The following ATP8A1 variants were observed in gnomAD, a reference collection of about 807,000 sequenced individuals.
ATP8A1 encodes the protein phospholipid-transporting ATPase IA.
A neutral mutation model predicts 177.7 loss-of-function variants in ATP8A1; 90 were observed. That is an observed-to-expected ratio of 0.51 (90% CI 0.43 to 0.60). The LOEUF (loss-of-function observed/expected upper bound fraction) is 0.60, where lower values mean the gene tolerates loss of function less well. Among genes scored for constraint, ATP8A1 ranks in the 20% least tolerant of loss-of-function variants. The probability of loss-of-function intolerance (pLI) is 0.00; values close to 1 mark genes in which losing one functional copy is unlikely to be tolerated. For missense variants in ATP8A1, 1,072 were observed against 1,392.8 expected (o/e 0.77, Z 3.67); for synonymous variants, 493 against 485.9 (o/e 1.01, Z -0.19).
At chr4:42,499,915 C>T (rs1051235215) in intron 24 of ATP8A1, among the ~76,000 whole-genome samples, 4 of 152,076 alleles carry the variant, frequency 2.6e-5, no homozygotes, top group Non-Finnish European at 4.4e-5. Context: ...ACAAACTAAA[C>T]GATATAAAAG....
intron 1 of ATP8A1, among the ~76,000 whole-genome samples, chr4:42,643,711 A>T (rs1282187090): frequency 2.6e-5 from 4 of 152,204 alleles, no homozygotes; most frequent in Non-Finnish European, 5.9e-5. Flanking sequence ...GGGAGATTCC[A>T]GTGTGTAGCC....
intron 20 of ATP8A1, among the ~76,000 whole-genome samples, chr4:42,542,806 T>G (rs1728545806): frequency 6.6e-6 from 1 of 152,200 alleles, no homozygotes; most frequent in African/African-American, 2.4e-5. Context: ...ATGGTGTATA[T>G]GTGTTAAAGT....
At chr4:42,478,129 T>C (rs975435754) in intron 25 of ATP8A1, among the ~76,000 whole-genome samples, 7 of 150,672 alleles carry the variant, frequency 4.6e-5, no homozygotes, top group Admixed American at 4.6e-4. Flanking sequence ...CTGAGGCAGG[T>C]GGATCCCTTG....
intron 20 of ATP8A1, among the ~76,000 whole-genome samples, chr4:42,535,709 T>C (rs1056901474): frequency 6.6e-6 from 1 of 152,200 alleles, no homozygotes; most frequent in Non-Finnish European, 1.5e-5. Flanking sequence ...GACCACATGA[T>C]AGACCACAAA....
chr4:42,424,932 C>T (rs1013876917), intron 33 of ATP8A1, among the ~76,000 whole-genome samples: 1 of 152,062 alleles, frequency 6.6e-6, no homozygotes, highest in Non-Finnish European at 1.5e-5. Context: ...ATTCGAGACA[C>T]CAACAAGATG....
chr4:42,607,209 C>A (rs1221768464), intron 5 of ATP8A1, among the ~76,000 whole-genome samples: 1 of 152,092 alleles, frequency 6.6e-6, no homozygotes, highest in Non-Finnish European at 1.5e-5. Context: ...TTACTGTGTT[C>A]TTGAAATACA....
intron 1 of ATP8A1, among the ~76,000 whole-genome samples, chr4:42,628,809 TAG>T (rs917909332): frequency 1.3e-5 from 2 of 152,158 alleles, no homozygotes; most frequent in African/African-American, 4.8e-5. Context: ...GCCTCTGGAT[TAG>T]AGAGAGAGCC....
At chr4:42,654,537 T>C (rs1741434429) in intron 1 of ATP8A1, among the ~76,000 whole-genome samples, 1 of 152,172 alleles carries the variant, frequency 6.6e-6, no homozygotes, top group African/African-American at 2.4e-5. Flanking sequence ...TCCATTTTCT[T>C]TGCTATCTCT....
intron 16 of ATP8A1, among the ~76,000 whole-genome samples, chr4:42,554,992 G>C (rs771683003): frequency 2.0e-5 from 3 of 152,122 alleles, no homozygotes; most frequent in African/African-American, 4.8e-5. Flanking sequence ...TCAGCTTTGG[G>C]ACTTGGACTG....
intron 4 of ATP8A1, among the ~76,000 whole-genome samples, chr4:42,622,368 T>G (rs1377651783): frequency 6.6e-6 from 1 of 150,900 alleles, no homozygotes. Flanking sequence ...GGCAACAGAG[T>G]GATAATCCAT....
At chr4:42,416,393 A>C (rs974339514) in intron 35 of ATP8A1, among the ~76,000 whole-genome samples, 22 of 152,190 alleles carry the variant, frequency 1.4e-4, no homozygotes, top group African/African-American at 5.1e-4. Context: ...TCCTAAATGC[A>C]TAATACTTTA....
At position 42,652,253 on chromosome 4, in the gene ATP8A1, A is replaced by G. The variant is rs1049257266; in HGVS notation, c.49+4572T>C. Among the ~76,000 whole-genome samples the G allele has an allele frequency of 7.9e-5, 12 of 152,164 alleles. No homozygotes were observed. In the South Asian group the frequency reaches 1.0e-3, roughly 13 times the overall value. On this transcript the variant is annotated intron_variant, in intron 1 of 36. Coordinates refer to ENST00000381668, the MANE Select transcript of ATP8A1 (RefSeq NM_006095.2). ...AGTCAAGCTCAAGACTGTAATGGAA[A>G]TTTCCTCAAAATGTGTTTCACCAGC...
intron 24 of ATP8A1, among the ~76,000 whole-genome samples, chr4:42,486,767 A>G (rs1473991711): frequency 6.6e-6 from 1 of 152,196 alleles, no homozygotes; most frequent in Non-Finnish European, 1.5e-5. Context: ...GTTTAGATAT[A>G]CAAATACCAC....
chr4:42,457,779 T>C (rs1460026321), intron 27 of ATP8A1, among the ~76,000 whole-genome samples: 1 of 152,204 alleles, frequency 6.6e-6, no homozygotes, highest in Non-Finnish European at 1.5e-5. Flanking sequence ...ATATTTACAG[T>C]AAGTTTCAAA....
At chr4:42,520,975 T>A (rs769553304) in intron 22 of ATP8A1, among the ~76,000 whole-genome samples, 101 of 151,906 alleles carry the variant, frequency 6.6e-4, no homozygotes, top group Non-Finnish European at 1.2e-3. Context: ...GAACATGGCA[T>A]CCCCACATTA....
At chr4:42,575,764 A>G in intron 12 of ATP8A1, 65 bp from the exon 13 acceptor site, 1 of 1,344,128 alleles carries the variant, frequency 7.4e-7, no homozygotes, top group Non-Finnish European at 1.1e-6. Flanking sequence ...AAACTTTAAA[A>G]GAAAACAATT....
intron 5 of ATP8A1, 138 bp downstream of exon 5, chr4:42,615,895 C>T (rs1028567623): frequency 2.8e-6 from 2 of 716,960 alleles, no homozygotes; most frequent in Non-Finnish European, 4.6e-6. Flanking sequence ...ACAAATGCCA[C>T]AAAGCAAAAA....
rs756560495 is a variant in ATP8A1, at chr4:42,412,940, C to T, written c.3471G>A (p.Thr1157=). 23 of 1,613,356 alleles carry T rather than the reference C, an allele frequency of 1.4e-5. No homozygotes were observed. Among genetic ancestry groups the T allele is most frequent in the Admixed American group, 3.3e-5 (2 of 59,946 alleles). The change falls in exon 37 of 37, where the codon ACG becomes ACA. Residue 1157 remains threonine, a synonymous_variant. Transcript: ENST00000381668. The part of the protein sequence containing the change: ...QSEVIRAYDT[T]KQRPDEW Reference sequence around the variant, plus strand: ...ATCACCATTCGTCGGGCCTCTGTTTCGTGGTATCATATGCTCTTATCACTT... The same window carrying T: ...ATCACCATTCGTCGGGCCTCTGTTTTGTGGTATCATATGCTCTTATCACTT...
chr4:42,494,109 G>T (rs191820801), intron 24 of ATP8A1, among the ~76,000 whole-genome samples: 1 of 129,942 alleles, frequency 7.7e-6, no homozygotes, highest in Admixed American at 9.8e-5. Context: ...GCTGAGGCAG[G>T]AGAATTTCTT....
Sources: gnomAD v4.1 joint callset for allele counts (sites outside exome capture counted in the v4.1 genomes callset) on GRCh38, gnomAD v4.1.1 for gene constraint, MANE v1.5 for transcripts, NCBI Gene and HGNC (gene_info 2026-07-23, HGNC 2026-07-21) for gene names.